The following FGF14 variants were observed in gnomAD, a reference collection of about 807,000 sequenced individuals.
FGF14 encodes fibroblast growth factor homologous factor 4.
Under a neutral mutation model 25.5 loss-of-function variants are expected in FGF14, and 5 were observed. The ratio of observed to expected loss-of-function variants is 0.20; its 90% confidence interval spans 0.10 to 0.41. FGF14 has a LOEUF of 0.41. Ranked by LOEUF, FGF14 falls within the 10% of genes least tolerant of loss-of-function variation. The probability of loss-of-function intolerance (pLI) is 1.00; values close to 1 mark genes in which losing one functional copy is unlikely to be tolerated. For missense variants in FGF14, 222 were observed against 320.1 expected (o/e 0.69, Z 2.34); for synonymous variants, 138 against 118.3 (o/e 1.17, Z -1.08).
chr13:102,285,722 A>G (rs1010602900), intron 1 of FGF14, among the ~76,000 whole-genome samples: 2 of 152,254 alleles, frequency 1.3e-5, no homozygotes, highest in East Asian at 3.8e-4. Flanking sequence ...AGTACCCAGC[A>G]CTGTTCTAAA....
At chr13:102,259,270 C>A (rs778685509) in intron 1 of FGF14, among the ~76,000 whole-genome samples, 4 of 152,346 alleles carry the variant, frequency 2.6e-5, no homozygotes, top group Admixed American at 6.5e-5. Flanking sequence ...CCTGTGGACA[C>A]AAACTGAGCC....
chr13:102,316,366 G>C (rs2056021532), intron 1 of FGF14, among the ~76,000 whole-genome samples: 1 of 152,106 alleles, frequency 6.6e-6, no homozygotes, highest in African/African-American at 2.4e-5. Flanking sequence ...TAAGTTGATG[G>C]GGTGACAGAT....
chr13:101,880,369 A>G (rs1455972410), intron 1 of FGF14, among the ~76,000 whole-genome samples: 1 of 152,126 alleles, frequency 6.6e-6, no homozygotes, highest in Non-Finnish European at 1.5e-5. Flanking sequence ...GGAGTTCGAG[A>G]CCAGCCTGAC....
intron 1 of FGF14, among the ~76,000 whole-genome samples, chr13:102,120,426 A>G (rs190010156): frequency 6.6e-6 from 1 of 152,356 alleles, no homozygotes; most frequent in African/African-American, 2.4e-5. Context: ...GCTATCAGAG[A>G]GACCTTTGTT....
At chr13:101,816,129 G>A (rs2041832698) in intron 3 of FGF14, among the ~76,000 whole-genome samples, 1 of 151,360 alleles carries the variant, frequency 6.6e-6, no homozygotes, top group South Asian at 2.1e-4. Context: ...AATTAGCCGG[G>A]CGTGTTGGCG....
chr13:102,219,168 T>C (rs912527877), intron 1 of FGF14, among the ~76,000 whole-genome samples: 4 of 152,222 alleles, frequency 2.6e-5, no homozygotes, highest in African/African-American at 9.6e-5. Flanking sequence ...ACTCAAATTG[T>C]CCTCTTTTTC....
At chr13:102,268,948 T>C (rs754186937) in intron 1 of FGF14, among the ~76,000 whole-genome samples, 1 of 152,218 alleles carries the variant, frequency 6.6e-6, no homozygotes, top group Non-Finnish European at 1.5e-5. Flanking sequence ...TTATTTATGC[T>C]GGCAAAATAA....
At chr13:101,991,394 G>A (rs1191968460) in intron 1 of FGF14, among the ~76,000 whole-genome samples, 1 of 152,108 alleles carries the variant, frequency 6.6e-6, no homozygotes, top group Admixed American at 6.5e-5. Flanking sequence ...CAGTTGGATT[G>A]TTGCTAGATT....
chr13:102,110,597 C>T (rs966869674), intron 1 of FGF14, among the ~76,000 whole-genome samples: 2 of 152,112 alleles, frequency 1.3e-5, no homozygotes, highest in Non-Finnish European at 2.9e-5. Flanking sequence ...TTCACAGAGC[C>T]ACAGATATTT....
At chr13:101,818,502 A>C (rs929043723) in intron 3 of FGF14, among the ~76,000 whole-genome samples, 1 of 152,196 alleles carries the variant, frequency 6.6e-6, no homozygotes, top group Admixed American at 6.5e-5. Flanking sequence ...GCTATAGTCA[A>C]CTGAAGCCAG....
intron 1 of FGF14, among the ~76,000 whole-genome samples, chr13:102,167,965 C>G (rs1295923336): frequency 6.6e-6 from 1 of 152,050 alleles, no homozygotes; most frequent in Non-Finnish European, 1.5e-5. Flanking sequence ...TCTAATTTAA[C>G]TTTCTCGCCC....
At chr13:101,775,419 A>T (rs1204964674) in intron 3 of FGF14, among the ~76,000 whole-genome samples, 4 of 152,132 alleles carry the variant, frequency 2.6e-5, no homozygotes, top group Non-Finnish European at 5.9e-5. Flanking sequence ...TATGAGAAAA[A>T]GCTTTTCCCA....
chr13:102,064,623 A>T (rs897075844), intron 1 of FGF14, among the ~76,000 whole-genome samples: 3 of 152,070 alleles, frequency 2.0e-5, no homozygotes, highest in African/African-American at 7.2e-5. Context: ...ATAGCACGAA[A>T]TTCAAATTTG....
At chr13:101,867,844 A>T (rs2044796154) in intron 3 of FGF14, among the ~76,000 whole-genome samples, 1 of 151,752 alleles carries the variant, frequency 6.6e-6, no homozygotes, top group East Asian at 1.9e-4. Context: ...TGAAGAAAAT[A>T]GATTACATTT....
chr13:101,796,078 A>T (rs2040504545), intron 3 of FGF14, among the ~76,000 whole-genome samples: 1 of 152,172 alleles, frequency 6.6e-6, no homozygotes, highest in South Asian at 2.1e-4. Context: ...AATTAACAGC[A>T]GTTCCTAGAA....
chr13:102,359,900 C>T (rs1420379500), intron 1 of FGF14, among the ~76,000 whole-genome samples: 1 of 148,016 alleles, frequency 6.8e-6, no homozygotes, highest in Non-Finnish European at 1.5e-5. Context: ...GCTGTGTTTA[C>T]AATTTTTTTC....
At chr13:102,049,220 C>G (rs1232136038) in intron 1 of FGF14, among the ~76,000 whole-genome samples, 2 of 152,112 alleles carry the variant, frequency 1.3e-5, no homozygotes, top group African/African-American at 4.8e-5. Flanking sequence ...AAATAAAAGA[C>G]ACAAACTTTG....
chr13:101,733,381 G>C (rs931109900), intron 3 of FGF14, among the ~76,000 whole-genome samples: 1 of 151,932 alleles, frequency 6.6e-6, no homozygotes, highest in African/African-American at 2.4e-5. Context: ...GCGATCATGA[G>C]GTCAAAAGAT....
intron 1 of FGF14, among the ~76,000 whole-genome samples, chr13:102,013,261 C>T (rs1272958266): frequency 6.6e-6 from 1 of 152,084 alleles, no homozygotes; most frequent in Non-Finnish European, 1.5e-5. Context: ...ATTAAATGCA[C>T]TCAGCCTTCT....
Sources: allele counts gnomAD v4.1 joint callset (sites outside exome capture counted in the v4.1 genomes callset), GRCh38; gene constraint gnomAD v4.1.1; transcripts MANE v1.5; gene names NCBI Gene and HGNC (gene_info 2026-07-23, HGNC 2026-07-21).